Variants in CDC14A observed in about 807,000 individuals in gnomAD.
CDC14A encodes the protein cell division cycle 14A.
Under a neutral mutation model 74.4 loss-of-function variants are expected in CDC14A, and 53 were observed. The observed-to-expected ratio is 0.71, with a 90% CI of 0.57 to 0.89. CDC14A has a LOEUF of 0.89. Among genes scored for constraint, CDC14A ranks in the 40% least tolerant of loss-of-function variants. CDC14A has a pLI of 0.00. For synonymous variants in CDC14A, 247 were observed against 258.4 expected (o/e 0.96, Z 0.43); for missense variants, 646 against 713.7 (o/e 0.91, Z 1.08).
intron 2 of CDC14A, among the ~76,000 whole-genome samples, 173 bp downstream of exon 2, chr1:100,354,025 A>C (rs1053739054): frequency 6.6e-6 from 1 of 152,188 alleles, no homozygotes; most frequent in African/African-American, 2.4e-5. Context: ...AATTGACAGA[A>C]TTTGAACCTT....
chr1:100,362,216 G>A (rs1257718103), intron 2 of CDC14A, among the ~76,000 whole-genome samples: 1 of 152,138 alleles, frequency 6.6e-6, no homozygotes, highest in African/African-American at 2.4e-5. Context: ...ATGTGGGGAG[G>A]TAAGTGGCAC....
chr1:100,511,534 C>T (rs2101477496), intron 15 of CDC14A, among the ~76,000 whole-genome samples: 1 of 152,328 alleles, frequency 6.6e-6, no homozygotes, highest in South Asian at 2.1e-4. Context: ...CCAGCTTCCT[C>T]TGGGTGTTAC....
intron 15 of CDC14A, among the ~76,000 whole-genome samples, chr1:100,510,178 C>T (rs141169025): frequency 3.3e-5 from 5 of 152,350 alleles, no homozygotes; most frequent in Admixed American, 6.5e-5. Context: ...TGCCTGGGCA[C>T]TGCCAACATT....
At chr1:100,424,359 G>A (rs1662706547) in intron 5 of CDC14A, 58 bp downstream of exon 5, 1 of 1,197,388 alleles carries the variant, frequency 8.4e-7, no homozygotes. Context: ...ACACTTTAGA[G>A]TTGGGTTGTA....
intron 3 of CDC14A, among the ~76,000 whole-genome samples, chr1:100,389,631 T>G (rs1657409580): frequency 6.6e-6 from 1 of 152,068 alleles, no homozygotes; most frequent in Non-Finnish European, 1.5e-5. Flanking sequence ...GGAAGAGTTT[T>G]TTTTTAATTT....
chr1:100,430,402 T>G (rs1571170844), intron 5 of CDC14A, among the ~76,000 whole-genome samples: 1 of 152,036 alleles, frequency 6.6e-6, no homozygotes, highest in Non-Finnish European at 1.5e-5. Flanking sequence ...TTGAGGGAGG[T>G]GTTTGTTGTG....
At chr1:100,410,252 TC>T (rs1660508958) in intron 4 of CDC14A, among the ~76,000 whole-genome samples, 1 of 152,120 alleles carries the variant, frequency 6.6e-6, no homozygotes, top group Non-Finnish European at 1.5e-5. Flanking sequence ...TAGTTTTTTT[TC>T]CCCAAGAAAC....
At chr1:100,450,778 C>G (rs1176404238) in intron 7 of CDC14A, among the ~76,000 whole-genome samples, 1 of 151,940 alleles carries the variant, frequency 6.6e-6, no homozygotes, top group Admixed American at 6.6e-5. Flanking sequence ...TTTTTTTCTT[C>G]CTCTTTAATG....
intron 11 of CDC14A, among the ~76,000 whole-genome samples, chr1:100,492,858 G>A (rs991871572): frequency 2.0e-5 from 3 of 148,332 alleles, no homozygotes; most frequent in African/African-American, 7.7e-5. Context: ...GTGTGTGTGT[G>A]TGTGTATGTG....
intron 5 of CDC14A, among the ~76,000 whole-genome samples, chr1:100,434,895 G>A (rs560292602): frequency 7.2e-5 from 11 of 152,308 alleles, no homozygotes; most frequent in Admixed American, 2.6e-4. Context: ...AGGGTCATTG[G>A]CAGATAGATG....
At chr1:100,373,578 T>C (rs1038123687) in intron 2 of CDC14A, among the ~76,000 whole-genome samples, 13 of 152,212 alleles carry the variant, frequency 8.5e-5, no homozygotes, top group Non-Finnish European at 1.8e-4. Context: ...GTGAGCATGA[T>C]AAAGTGAAGT....
chr1:100,345,694 T>C (rs956841828), intron 1 of CDC14A, among the ~76,000 whole-genome samples: 1 of 152,222 alleles, frequency 6.6e-6, no homozygotes, highest in Non-Finnish European at 1.5e-5. Flanking sequence ...ATTTTGTGTG[T>C]TTCCTCATTT....
chr1:100,470,959 A>G (rs531842851), intron 10 of CDC14A, among the ~76,000 whole-genome samples: 83 of 152,204 alleles, frequency 5.5e-4, no homozygotes, highest in Non-Finnish European at 9.4e-4. Flanking sequence ...ACATTTGTCT[A>G]CAAAGACTTG....
intron 10 of CDC14A, among the ~76,000 whole-genome samples, chr1:100,470,797 A>G (rs1337963332): frequency 6.6e-6 from 1 of 152,208 alleles, no homozygotes; most frequent in Non-Finnish European, 1.5e-5. Flanking sequence ...AAGTTTTACT[A>G]CAAAATGCTG....
At chr1:100,424,450 G>A (rs1021785658) in intron 5 of CDC14A, 149 bp downstream of exon 5, 4 of 629,094 alleles carry the variant, frequency 6.4e-6, no homozygotes, top group East Asian at 2.8e-5. Flanking sequence ...ATTTCATTTC[G>A]TAGAGTTTTA....
chr1:100,357,441 C>T (rs990695316), intron 2 of CDC14A, among the ~76,000 whole-genome samples: 1 of 152,066 alleles, frequency 6.6e-6, no homozygotes, highest in Non-Finnish European at 1.5e-5. Context: ...ACTGCAAAGC[C>T]CCTAGAAGGA....
chr1:100,494,175 A>G (rs1647426795), intron 11 of CDC14A, among the ~76,000 whole-genome samples: 1 of 152,206 alleles, frequency 6.6e-6, no homozygotes, highest in African/African-American at 2.4e-5. Context: ...TTCATCGATA[A>G]TAAGGGTACC....
intron 2 of CDC14A, among the ~76,000 whole-genome samples, chr1:100,376,108 T>A (rs1655214084): frequency 6.7e-6 from 1 of 150,006 alleles, no homozygotes; most frequent in African/African-American, 2.5e-5. Flanking sequence ...TGAGAACACT[T>A]GGACATGGGA....
At position 100,353,124 on chromosome 1, in the gene CDC14A, C is replaced by T. The variant is rs1484098658; in HGVS notation, c.49+121C>T. On this transcript the variant is annotated intron_variant, in intron 1 of 15. Transcript: ENST00000336454. ...GTCCTGCAGCCGCTGCGCGCGCTCT[C>T]GTCCCCTCTAGGGACTCTCCTTTCT... The T allele has an allele frequency of 9.3e-6, 10 of 1,072,120 alleles. No homozygotes were observed. In the African/African-American group the frequency reaches 9.4e-5, roughly 10 times the overall value. The allele number at this position is 1,072,120 out of a possible 1,614,324, so 66.4% of individuals were successfully genotyped here. A position where few individuals can be genotyped will look rare whatever the true frequency, so the allele number is the denominator to read the frequency against.
Sources: allele counts gnomAD v4.1 joint callset (sites outside exome capture counted in the v4.1 genomes callset), GRCh38; gene constraint gnomAD v4.1.1; transcripts MANE v1.5; gene names NCBI Gene and HGNC (gene_info 2026-07-23, HGNC 2026-07-21).